SHISA2: variants seen among roughly 807,000 people sequenced by gnomAD.
The protein encoded by SHISA2 is protein shisa-2 homolog.
In SHISA2, 16 loss-of-function variants were observed where a neutral mutation model predicts 23.8. That is an observed-to-expected ratio of 0.67 (90% CI 0.46 to 1.02). The LOEUF (loss-of-function observed/expected upper bound fraction) is 1.02. Ranked by LOEUF, SHISA2 falls within the 50% of genes least tolerant of loss-of-function variation. The pLI is 0.00. For synonymous variants in SHISA2, 201 were observed against 178.6 expected (o/e 1.13, Z -1.00); for missense variants, 459 against 420.1 (o/e 1.09, Z -0.81).
Position 26,046,955 on chromosome 13 carries a change from G to C in SHISA2, c.446C>G (p.Pro149Arg), listed in dbSNP as rs1957273324. ...ACCCCCTGGGGCTCGGCTCTGCTGG[G>C]GATCCTGCTTAGGCCGGAGACATCT... ...CCRCLRPKQD[P>R]QQSRAPGGNR... The change falls in exon 2 of 2, where the codon CCC becomes CGC. Residue 149 changes from proline (P) to arginine (R), a missense_variant. Pro to Arg is a moderately radical substitution (Grantham distance 103). Transcript: ENST00000319420. The C allele has an allele frequency of 6.2e-7, 1 of 1,612,638 alleles. No individual in the cohort carries two copies. The highest frequency in any genetic ancestry group is 1.7e-5 in the Admixed American group (1 of 59,890).
At position 26,047,042 on chromosome 13, in the gene SHISA2, A is replaced by G; in HGVS notation, c.359T>C (p.Ile120Thr). The change falls in exon 2 of 2, where the codon ATT (isoleucine) becomes ACT (threonine). Residue 120 changes from isoleucine to threonine, a missense_variant. Physicochemically the swap from Ile to Thr is moderately conservative, Grantham distance 89 (BLOSUM62 -1). Coordinates refer to ENST00000319420, the MANE Select transcript of SHISA2 (RefSeq NM_001007538.2). Reference protein sequence around the residue: ...SAVPIYVPFLIVGSVFVAFII... With the variant: ...SAVPIYVPFLTVGSVFVAFII... ...AAAGGCGACAAACACGGAGCCAACA[A>G]TGAGGAACGGCACGTAGATGGGCAC... is the stretch of plus-strand genomic sequence containing the variant. 1 of 1,558,032 alleles carries G rather than the reference A, an allele frequency of 6.4e-7. No homozygotes were observed. Among genetic ancestry groups the G allele is most frequent in the Non-Finnish European group, 8.7e-7 (1 of 1,150,714 alleles).
rs773473299 is a variant in SHISA2, at chr13:26,046,454, C to G, written c.*59G>C. The G allele has an allele frequency of 6.6e-6, 10 of 1,519,366 alleles. No individual in the cohort carries two copies. Among genetic ancestry groups the G allele is most frequent in the African/African-American group, 1.4e-5 (1 of 72,602 alleles). The allele number at this position is 1,519,366 out of a possible 1,614,324, so 94.1% of individuals were successfully genotyped here. On this transcript the variant is annotated 3_prime_UTR_variant, in exon 2 of 2. Coordinates refer to ENST00000319420, the MANE Select transcript of SHISA2 (RefSeq NM_001007538.2). Reference sequence around the variant, plus strand: ...CACCGACATGTGCGGACTTCCACCTCGAGAATCCACCCCTGCCTTCGTCTC... The same window carrying G: ...CACCGACATGTGCGGACTTCCACCTGGAGAATCCACCCCTGCCTTCGTCTC...
chr13:26,050,606 C>A (rs956141669), intron 1 of SHISA2, 36 bp downstream of exon 1: 98 of 1,379,378 alleles, frequency 7.1e-5, no homozygotes, highest in Admixed American at 7.6e-5. Flanking sequence ...CAACGCCAAC[C>A]GTCCTCCCTT....
rs1957297137 is a variant in SHISA2 at position 26,050,756 on chromosome 13, A to G, written c.220T>C (p.Tyr74His). ...CGCGCCTCGGCGCTGGAGCAGCAGT[A>G]GCGCAACGCGCAGCTGCCGCAGCAG... Reference protein sequence around the residue: ...TICCGSCALRYCCSSAEARLD... With the variant: ...TICCGSCALRHCCSSAEARLD... Residue 74 changes from tyrosine to histidine, a missense_variant, in exon 1 of 2, where the codon TAC becomes CAC. Transcript: ENST00000319420. The G allele has an allele frequency of 1.3e-6, 2 of 1,513,120 alleles. No individual in the cohort carries two copies. The highest frequency in any genetic ancestry group is 8.8e-7 in the Non-Finnish European group (1 of 1,139,664). The allele number at this position is 1,513,120 out of a possible 1,614,324, so 93.7% of individuals were successfully genotyped here.
rs1401253801 is a variant in SHISA2, at chr13:26,051,655, G to A, written c.-680C>T. ...GCCAATCTTCCCAGCACGTCGCCGA[G>A]GGAGCGCTCCTGACCCCGGGAACGT... is the stretch of plus-strand genomic sequence containing the variant. On this transcript the variant is annotated 5_prime_UTR_variant, in exon 1 of 2. Coordinates refer to ENST00000319420, the MANE Select transcript of SHISA2 (RefSeq NM_001007538.2). Among the ~76,000 whole-genome samples the A allele has an allele frequency of 2.0e-5, 3 of 152,066 alleles. No homozygotes were observed. The highest frequency in any genetic ancestry group is 6.5e-5 in the Admixed American group (1 of 15,282).
At position 26,046,267 on chromosome 13, in the gene SHISA2, T is replaced by C; in HGVS notation, c.*246A>G. The stretch of plus-strand genomic sequence containing the variant: ...GCACTTCGGACTCAAGCATTTGTTA[T>C]ACACCCATCAGCAACATCACAGTCA... On this transcript the variant is annotated 3_prime_UTR_variant, in exon 2 of 2. Coordinates refer to ENST00000319420, the MANE Select transcript of SHISA2 (RefSeq NM_001007538.2). 2.0e-6 allele frequency: 1 copy of C among 489,842 alleles called. No individual in the cohort carries two copies. The highest frequency in any genetic ancestry group is 3.3e-5 in the South Asian group (1 of 30,108). 30.3% of individuals were successfully genotyped at this position (489,842 alleles called of 1,614,324 possible).
chr13:26,048,913 T>G (rs554940479), intron 1 of SHISA2, among the ~76,000 whole-genome samples: 3 of 152,366 alleles, frequency 2.0e-5, no homozygotes, highest in Non-Finnish European at 2.9e-5. Flanking sequence ...CTACAGTGTC[T>G]GCAGCACAGC....
In SHISA2 at chr13:26,051,137, G is replaced by A. The variant is rs1217068567; in HGVS notation, c.-162C>T. ...CGACGCCCAGGAGGCGACGACGCCG[G>A]GCCCTAGGTCCAGGAGCTCCTAAGC... On this transcript the variant is annotated 5_prime_UTR_variant, in exon 1 of 2. Coordinates refer to ENST00000319420, the MANE Select transcript of SHISA2 (RefSeq NM_001007538.2). 2 of 614,264 alleles carry A rather than the reference G, an allele frequency of 3.3e-6. No homozygotes were observed. The highest frequency in any genetic ancestry group is 5.3e-6 in the Non-Finnish European group (2 of 378,866). 38.1% of individuals were successfully genotyped at this position (614,264 alleles called of 1,614,324 possible).
rs921139791 is a variant in SHISA2 at position 26,050,068 on chromosome 13, T to A, written c.334+574A>T. On this transcript the variant is annotated intron_variant, in intron 1 of 1. Coordinates refer to ENST00000319420, the MANE Select transcript of SHISA2 (RefSeq NM_001007538.2). ...AGAGCAAGGCTGGGCACTGCTCCGA[T>A]GTTACACCTACTAAGTCTGACGTGG... is the stretch of plus-strand genomic sequence containing the variant. Among the ~76,000 whole-genome samples the A allele has an allele frequency of 3.3e-5, 5 of 151,536 alleles. No individual in the cohort carries two copies. The East Asian group carries it at 7.8e-4, about 24-fold the overall frequency.
chr13:26,049,217 C>T (rs1317438371), intron 1 of SHISA2, among the ~76,000 whole-genome samples: 2 of 152,142 alleles, frequency 1.3e-5, no homozygotes, highest in East Asian at 3.8e-4. Flanking sequence ...ATGTAAATAA[C>T]TACACAGGGA....
intron 1 of SHISA2, 81 bp downstream of exon 1, chr13:26,050,561 C>T: frequency 1.5e-6 from 2 of 1,302,102 alleles, no homozygotes; most frequent in South Asian, 1.8e-5. Context: ...TCCTGAATTT[C>T]CCCCCTTCAA....
At position 26,046,440 on chromosome 13, in the gene SHISA2, G is replaced by T. The variant is rs1957267851; in HGVS notation, c.*73C>A. 1.3e-5 allele frequency: 19 copies of T among 1,469,692 alleles called. No individual in the cohort carries two copies. In the South Asian group the frequency reaches 2.0e-4, roughly 15 times the overall value. The allele number at this position is 1,469,692 out of a possible 1,614,324, so 91.0% of individuals were successfully genotyped here. A position where few individuals can be genotyped will look rare whatever the true frequency, so the allele number is the denominator to read the frequency against. ...CGTGCCATAAATACCACCGACATGT[G>T]CGGACTTCCACCTCGAGAATCCACC... On this transcript the variant is annotated 3_prime_UTR_variant, in exon 2 of 2. Coordinates refer to ENST00000319420, the MANE Select transcript of SHISA2 (RefSeq NM_001007538.2).
In SHISA2 at chr13:26,050,934, G is replaced by T; in HGVS notation, c.42C>A (p.Asn14Lys). 1 of 1,520,552 alleles carries T rather than the reference G, an allele frequency of 6.6e-7. No homozygotes were observed. Among genetic ancestry groups the T allele is most frequent in the Non-Finnish European group, 8.8e-7 (1 of 1,141,428 alleles). 94.2% of individuals were successfully genotyped at this position (1,520,552 alleles called of 1,614,324 possible). Residue 14 changes from asparagine (N) to lysine (K), a missense_variant, in exon 1 of 2, where the codon AAC (asparagine) becomes AAA (lysine). Asn to Lys is a moderately conservative substitution (Grantham distance 94). Coordinates refer to ENST00000319420, the MANE Select transcript of SHISA2 (RefSeq NM_001007538.2). ...GCAGCAGCTGCAGGAGCGAAGCGGC[G>T]TTCCAGGATGAGGAGACGGACGAGC... ...ARRSSVSSSW[N>K]AASLLQLLLA...
chr13:26,046,830 C>G lies in SHISA2; in HGVS notation c.571G>C (p.Ala191Pro), dbSNP rs114161425. Residue 191 changes from alanine (A) to proline (P), a missense_variant, in exon 2 of 2, where the codon GCC becomes CCC. By Grantham distance (27) the Ala-to-Pro change is conservative (BLOSUM62 -1). Coordinates refer to ENST00000319420, the MANE Select transcript of SHISA2 (RefSeq NM_001007538.2). Reference sequence around the variant, plus strand: ...GGGGGCGCCCGGGCCCCTGAGTTGGCGCTGGAGCTGGAACTGGCAGCTGTG... The same window carrying G: ...GGGGGCGCCCGGGCCCCTGAGTTGGGGCTGGAGCTGGAACTGGCAGCTGTG... ...SSTAASSSSS[A>P]NSGARAPPTR... 2 of 1,614,070 alleles carry G rather than the reference C, an allele frequency of 1.2e-6. No individual in the cohort carries two copies. The highest frequency in any genetic ancestry group is 1.7e-6 in the Non-Finnish European group (2 of 1,180,000).
chr13:26,050,281 C>T (rs553866488), intron 1 of SHISA2, among the ~76,000 whole-genome samples: 6 of 152,254 alleles, frequency 3.9e-5, no homozygotes, highest in Non-Finnish European at 8.8e-5. Context: ...TGGGGGCGCA[C>T]CCTCGCCGTC....
At position 26,046,835 on chromosome 13, in the gene SHISA2, G is replaced by A; in HGVS notation, c.566C>T (p.Ser189Phe). 1 of 1,614,122 alleles carries A rather than the reference G, an allele frequency of 6.2e-7. No homozygotes were observed. The highest frequency in any genetic ancestry group is 8.5e-7 in the Non-Finnish European group (1 of 1,180,024). Residue 189 changes from serine to phenylalanine, a missense_variant, in exon 2 of 2, where the codon TCC (serine) becomes TTC (phenylalanine). Coordinates refer to ENST00000319420, the MANE Select transcript of SHISA2 (RefSeq NM_001007538.2). Reference sequence around the variant, plus strand: ...CGCCCGGGCCCCTGAGTTGGCGCTGGAGCTGGAACTGGCAGCTGTGCTGGA... The same window carrying A: ...CGCCCGGGCCCCTGAGTTGGCGCTGAAGCTGGAACTGGCAGCTGTGCTGGA... ...RQSSTAASSS[S>F]SANSGARAPP...
In SHISA2 at chr13:26,051,698, G is replaced by A. The variant is rs1029721620; in HGVS notation, c.-723C>T. On this transcript the variant is annotated 5_prime_UTR_variant, in exon 1 of 2. Transcript: ENST00000319420. ...GGGAACGTCCAGGACGCAGGCGAGG[G>A]TCCTGCGCGCCCCCAGCCGCAGTCC... Among the ~76,000 whole-genome samples, 3 of 152,058 alleles carry A rather than the reference G, an allele frequency of 2.0e-5. No individual in the cohort carries two copies. Among genetic ancestry groups the A allele is most frequent in the African/African-American group, 7.2e-5 (3 of 41,438 alleles).
rs1446825393 is a variant in SHISA2, at chr13:26,050,858, C to T, written c.118G>A (p.Gly40Ser). The T allele has an allele frequency of 1.3e-6, 2 of 1,528,208 alleles. No individual in the cohort carries two copies. Among genetic ancestry groups the T allele is most frequent in the Non-Finnish European group, 1.7e-6 (2 of 1,146,248 alleles). The allele number at this position is 1,528,208 out of a possible 1,614,324, so 94.7% of individuals were successfully genotyped here. Residue 40 changes from glycine (G) to serine (S), a missense_variant, in exon 1 of 2, where the codon GGC becomes AGC. By Grantham distance (56) the Gly-to-Ser change is moderately conservative. Coordinates refer to ENST00000319420, the MANE Select transcript of SHISA2 (RefSeq NM_001007538.2). ...CAGACGCCCTGCGCGTCCAGCCAGC[C>T]GTGGCAGTACTCGCCGCTGGCCCTC... Reference protein sequence around the residue: ...GARASGEYCHGWLDAQGVWRI... With the variant: ...GARASGEYCHSWLDAQGVWRI...
rs566161849 is a variant in SHISA2 at position 26,046,932 on chromosome 13, C to T, written c.469G>A (p.Gly157Ser). 1.2e-6 allele frequency: 2 copies of T among 1,613,356 alleles called. No homozygotes were observed. Among genetic ancestry groups the T allele is most frequent in the Admixed American group, 3.3e-5 (2 of 59,948 alleles). ...GGGATGGTCTCCATCAAGCGGTTAC[C>T]CCCTGGGGCTCGGCTCTGCTGGGGA... is the stretch of plus-strand genomic sequence containing the variant. Reference protein sequence around the residue: ...QDPQQSRAPGGNRLMETIPMI... With the variant: ...QDPQQSRAPGSNRLMETIPMI... Residue 157 changes from glycine (G) to serine (S), a missense_variant, in exon 2 of 2, where the codon GGT becomes AGT. Transcript: ENST00000319420.
Sources: allele counts gnomAD v4.1 joint callset (sites outside exome capture counted in the v4.1 genomes callset), GRCh38; gene constraint gnomAD v4.1.1; transcripts MANE v1.5; gene names NCBI Gene and HGNC (gene_info 2026-07-23, HGNC 2026-07-21).